NTRK3: variants seen among roughly 807,000 people sequenced by gnomAD.
NTRK3 encodes neurotrophic receptor tyrosine kinase 3.
Under a neutral mutation model 91.7 loss-of-function variants are expected in NTRK3, and 24 were observed. The observed-to-expected ratio is 0.26, with a 90% CI of 0.19 to 0.37. NTRK3 has a LOEUF of 0.37. Among genes scored for constraint, NTRK3 ranks in the 10% least tolerant of loss-of-function variants. NTRK3 has a pLI of 1.00. For synonymous variants in NTRK3, 483 were observed against 404.0 expected (o/e 1.20, Z -2.34); for missense variants, 880 against 1,068.9 (o/e 0.82, Z 2.46).
exon 19 of NTRK3, chr15:87,874,161 G>T: frequency 6.5e-6 from 1 of 154,764 alleles, no homozygotes; most frequent in Non-Finnish European, 1.2e-5. Context: ...AGTGTACCCT[G>T]CAATTTCCAT....
At position 88,033,214 on chromosome 15, in the gene NTRK3, AT is replaced by A. The variant is rs1567262228; in HGVS notation, c.1397-170del. On this transcript the variant is annotated intron_variant, in intron 13 of 18. Coordinates refer to ENST00000394480, the Ensembl canonical transcript of NTRK3. ...TATATATATATATATATATATATAT[AT>A]AAATTCAGTTGTTTGGGTTTCTGGT... 1.2e-4 allele frequency among the ~76,000 whole-genome samples: 15 copies of A among 129,170 alleles called. 1 individual carries two copies. The highest frequency in any genetic ancestry group is 2.3e-4 in the Non-Finnish European group (14 of 61,340). The allele number at this position is 129,170 out of a possible 152,430, so 84.7% of individuals were successfully genotyped here. A position where few individuals can be genotyped will look rare whatever the true frequency, so the allele number is the denominator to read the frequency against.
intron 14 of NTRK3, among the ~76,000 whole-genome samples, chr15:88,024,005 C>T (rs985986873): frequency 1.3e-5 from 2 of 152,182 alleles, no homozygotes; most frequent in Non-Finnish European, 2.9e-5. Flanking sequence ...CTACGCTAAG[C>T]GATGTTTGTT....
intron 3 of NTRK3, among the ~76,000 whole-genome samples, chr15:88,200,424 G>A (rs1336448725): frequency 6.6e-6 from 1 of 152,138 alleles, no homozygotes; most frequent in Non-Finnish European, 1.5e-5. Flanking sequence ...ATATGGTTTG[G>A]CTGTGCCCCC....
At chr15:87,867,264 T>G (rs1323458745) in exon 19 of NTRK3, 4 of 225,372 alleles carry the variant, frequency 1.8e-5, no homozygotes, top group Non-Finnish European at 3.5e-5. Flanking sequence ...CCAAGCTTGG[T>G]TGATGTGCAG....
In NTRK3 at chr15:87,984,517, G is replaced by A. The variant is rs921160107; in HGVS notation, c.1586-43764C>T. Among the ~76,000 whole-genome samples the A allele has an allele frequency of 3.9e-5, 6 of 152,248 alleles. No individual in the cohort carries two copies. The South Asian group carries it at 1.2e-3, about 32-fold the overall frequency. The stretch of plus-strand genomic sequence containing the variant: ...AAAGGATGGCGGCACTGGCCGAGGT[G>A]AGTGAGCCCCAAACGCCTAGGCTTG... On this transcript the variant is annotated intron_variant, in intron 14 of 18. Coordinates refer to ENST00000394480, the Ensembl canonical transcript of NTRK3.
intron 13 of NTRK3, among the ~76,000 whole-genome samples, chr15:88,122,767 C>T (rs1449778352): frequency 6.6e-6 from 1 of 152,206 alleles, no homozygotes; most frequent in South Asian, 2.1e-4. Flanking sequence ...CATCTCTCTA[C>T]TTCCCACTGC....
At chr15:88,215,385 G>A (rs770190509) in intron 3 of NTRK3, among the ~76,000 whole-genome samples, 2 of 152,148 alleles carry the variant, frequency 1.3e-5, no homozygotes, top group Non-Finnish European at 2.9e-5. Context: ...TGTCTCCCTC[G>A]TGCAGATATT....
At position 87,970,549 on chromosome 15, in the gene NTRK3, T is replaced by C. The variant is rs149236845; in HGVS notation, c.1586-29796A>G. Among the ~76,000 whole-genome samples the C allele has an allele frequency of 1.6e-3, 237 of 152,330 alleles. 1 individual carries two copies. Among genetic ancestry groups the C allele is most frequent in the Admixed American group, 9.2e-3 (141 of 15,306 alleles). Reference sequence around the variant, plus strand: ...AACATGTGTGTGCTGAGTCTATTAATAGATATTAAATGAAGAATGTTTTGT... The same window carrying C: ...AACATGTGTGTGCTGAGTCTATTAACAGATATTAAATGAAGAATGTTTTGT... On this transcript the variant is annotated intron_variant, in intron 14 of 18. Coordinates refer to ENST00000394480, the Ensembl canonical transcript of NTRK3.
chr15:88,082,311 A>G (rs1190178350), intron 13 of NTRK3, among the ~76,000 whole-genome samples: 1 of 151,440 alleles, frequency 6.6e-6, no homozygotes, highest in South Asian at 2.1e-4. Context: ...TCACCTGACC[A>G]TGGTGCCCCC....
intron 13 of NTRK3, among the ~76,000 whole-genome samples, chr15:88,109,320 G>C (rs1265325758): frequency 6.6e-6 from 1 of 152,184 alleles, no homozygotes; most frequent in African/African-American, 2.4e-5. Context: ...GCAGGAGGGA[G>C]AGAAGAGGGG....
chr15:88,186,857 C>G (rs866766723), intron 3 of NTRK3, among the ~76,000 whole-genome samples: 1 of 152,142 alleles, frequency 6.6e-6, no homozygotes, highest in African/African-American at 2.4e-5. Context: ...GCCCTAGGAG[C>G]TGATGGTCAA....
intron 14 of NTRK3, among the ~76,000 whole-genome samples, chr15:87,948,671 G>C (rs1384916577): frequency 6.6e-6 from 1 of 152,216 alleles, no homozygotes; most frequent in East Asian, 1.9e-4. Flanking sequence ...CTGGGCGACA[G>C]AGCAAGACTC....
At position 88,241,165 on chromosome 15, in the gene NTRK3, G is replaced by T. The variant is rs910694802; in HGVS notation, c.248+14741C>A. 2.6e-5 allele frequency among the ~76,000 whole-genome samples: 4 copies of T among 152,220 alleles called. No homozygotes were observed. Among genetic ancestry groups the T allele is most frequent in the Admixed American group, 2.0e-4 (3 of 15,284 alleles). Reference sequence around the variant, plus strand: ...ATAGGACACATCGTGGGGCTCCCGAGGGTGTCAGCTGGACTGAGACACTAG... The same window carrying T: ...ATAGGACACATCGTGGGGCTCCCGATGGTGTCAGCTGGACTGAGACACTAG... On this transcript the variant is annotated intron_variant, in intron 3 of 18. Transcript: ENST00000394480. The surrounding 1 kb of genome is among the most constrained non-coding windows in gnomAD (Gnocchi z 4.3).
At chr15:88,012,533 A>G (rs2076954016) in intron 14 of NTRK3, among the ~76,000 whole-genome samples, 1 of 152,136 alleles carries the variant, frequency 6.6e-6, no homozygotes. Flanking sequence ...TGTTTATATC[A>G]CTGTCACAAA....
intron 9 of NTRK3, 68 bp downstream of exon 9, chr15:88,135,830 GC>G: frequency 6.3e-7 from 1 of 1,587,252 alleles, no homozygotes. Context: ...CAACACCTTG[GC>G]CCCTCTCCAG....
chr15:88,181,708 A>G (rs1341797337), intron 5 of NTRK3, among the ~76,000 whole-genome samples: 1 of 152,226 alleles, frequency 6.6e-6, no homozygotes, highest in Non-Finnish European at 1.5e-5. Flanking sequence ...TTTAGTCGGC[A>G]GCATTTAAAA....
At chr15:88,034,731 C>G (rs901583073) in intron 13 of NTRK3, among the ~76,000 whole-genome samples, 2 of 152,150 alleles carry the variant, frequency 1.3e-5, no homozygotes, top group African/African-American at 2.4e-5. Flanking sequence ...AATGGAGGAC[C>G]CTGAATTCCA....
chr15:87,975,643 G>A (rs1339355076), intron 14 of NTRK3, among the ~76,000 whole-genome samples: 1 of 152,128 alleles, frequency 6.6e-6, no homozygotes, highest in East Asian at 1.9e-4. Context: ...ACCAACCCTG[G>A]GGTAAATGCC....
intron 14 of NTRK3, among the ~76,000 whole-genome samples, chr15:87,960,882 G>A (rs992143336): frequency 3.3e-5 from 5 of 152,068 alleles, no homozygotes; most frequent in African/African-American, 7.2e-5. Flanking sequence ...TAGTCTAAGC[G>A]GCGTGCCATA....
Sources: allele counts gnomAD v4.1 joint callset (sites outside exome capture counted in the v4.1 genomes callset), GRCh38; gene constraint gnomAD v4.1.1; non-coding constraint Gnocchi (gnomAD v3.1); transcripts MANE v1.5; gene names NCBI Gene and HGNC (gene_info 2026-07-23, HGNC 2026-07-21).